The following GAS2 variants were observed in gnomAD, a reference collection of about 807,000 sequenced individuals.
GAS2 encodes the protein growth arrest specific 2, also known as growth arrest-specific protein 2.
GAS2 carries 20 observed loss-of-function variants against 37.5 expected under a neutral mutation model. That is an observed-to-expected ratio of 0.53 (90% CI 0.37 to 0.77). GAS2 has a LOEUF of 0.77. GAS2 is among the 30% of genes least tolerant of loss of function. The pLI is 0.00. For missense variants in GAS2, 336 were observed against 373.4 expected, an observed-to-expected ratio of 0.90 and a Z score of 0.82; for synonymous variants, 144 against 132.2, an observed-to-expected ratio of 1.09 and a Z score of -0.61.
intron 3 of GAS2, among the ~76,000 whole-genome samples, chr11:22,724,023 C>A (rs1852072293): frequency 6.6e-6 from 1 of 151,834 alleles, no homozygotes; most frequent in Non-Finnish European, 1.5e-5. Context: ...AGGGCAATTA[C>A]TATCAATTTA....
intron 7 of GAS2, among the ~76,000 whole-genome samples, chr11:22,809,923 G>T (rs1857066369): frequency 6.6e-6 from 1 of 152,094 alleles, no homozygotes; most frequent in African/African-American, 2.4e-5. Context: ...TATTTCAGGG[G>T]TTCTCATTGA....
At chr11:22,788,534 T>C (rs1855929021) in intron 7 of GAS2, among the ~76,000 whole-genome samples, 1 of 152,166 alleles carries the variant, frequency 6.6e-6, no homozygotes, top group Admixed American at 6.5e-5. Context: ...AATTGTCAAA[T>C]GTCTCATGGG....
rs563158588 is a variant in GAS2, at chr11:22,699,342, A to C, written c.267+13553A>C. Among the ~76,000 whole-genome samples, 119 of 152,168 alleles carry C rather than the reference A, an allele frequency of 7.8e-4. 1 individual carries two copies. Among genetic ancestry groups the C allele is most frequent in the Non-Finnish European group, 1.2e-3 (79 of 68,032 alleles). On this transcript the variant is annotated intron_variant, in intron 3 of 7. Transcript: ENST00000454584. ...CAAACTCTTTACTATGCATTCAGGGAAGAGAAATGCCTTGTGGGGAATCAG... is the reference window on the plus strand; with the variant it reads ...CAAACTCTTTACTATGCATTCAGGGCAGAGAAATGCCTTGTGGGGAATCAG...
At position 22,811,991 on chromosome 11, in the gene GAS2, A is replaced by G. The variant is rs1857198953; in HGVS notation, c.917A>G (p.Tyr306Cys). 2 of 1,613,966 alleles carry G rather than the reference A, an allele frequency of 1.2e-6. No individual in the cohort carries two copies. The highest frequency in any genetic ancestry group is 1.7e-6 in the Non-Finnish European group (2 of 1,179,950). ...PDNYLVVSAS[Y>C]KAKKEIK is the part of the protein sequence containing the mutation. ...AACTACTTGGTGGTCTCTGCCAGTT[A>G]TAAGGCTAAGAAGGAAATTAAGTGA... The change falls in exon 8 of 8, where the codon TAT becomes TGT. Residue 306 changes from tyrosine to cysteine, a missense_variant. By Grantham distance (194) the Tyr-to-Cys change is radical. Transcript: ENST00000454584.
chr11:22,664,101 C>A (rs1291186096), upstream of GAS2, among the ~76,000 whole-genome samples: 1 of 152,054 alleles, frequency 6.6e-6, no homozygotes, highest in Non-Finnish European at 1.5e-5. Context: ...TTAACTGCTC[C>A]TTTGAAGCTG....
intron 7 of GAS2, among the ~76,000 whole-genome samples, chr11:22,799,242 A>G (rs1034805408): frequency 2.0e-5 from 3 of 152,082 alleles, no homozygotes; most frequent in African/African-American, 7.2e-5. Flanking sequence ...TAAGTGGGGA[A>G]TCATTTAATG....
chr11:22,713,735 A>C (rs1164737523), intron 3 of GAS2, among the ~76,000 whole-genome samples: 3 of 152,144 alleles, frequency 2.0e-5, no homozygotes, highest in Admixed American at 6.6e-5. Flanking sequence ...ATCAGCAAAG[A>C]ATCTTGTACA....
chr11:22,749,055 T>C, intron 5 of GAS2, 65 bp from the exon 6 acceptor site: 1 of 1,411,286 alleles, frequency 7.1e-7, no homozygotes, highest in Non-Finnish European at 9.7e-7. Context: ...CATCATCACA[T>C]GTAATATATG....
chr11:22,729,791 A>G (rs1852388813), intron 4 of GAS2, among the ~76,000 whole-genome samples: 1 of 149,654 alleles, frequency 6.7e-6, no homozygotes, highest in Admixed American at 6.7e-5. Context: ...AAATAGCTAA[A>G]TTAAGAAAAT....
intron 3 of GAS2, among the ~76,000 whole-genome samples, chr11:22,707,810 A>T (rs1163589889): frequency 6.6e-6 from 1 of 152,218 alleles, no homozygotes; most frequent in Admixed American, 6.5e-5. Context: ...CTCACATCTC[A>T]TAACCACAAG....
intron 3 of GAS2, among the ~76,000 whole-genome samples, chr11:22,722,230 G>A (rs1177657675): frequency 6.6e-6 from 1 of 151,834 alleles, no homozygotes; most frequent in Non-Finnish European, 1.5e-5. Flanking sequence ...TTCCTGATGG[G>A]AATTGGAAGG....
intron 4 of GAS2, among the ~76,000 whole-genome samples, chr11:22,732,811 T>TCATCATCAC (rs1386583754): frequency 1.3e-5 from 2 of 148,566 alleles, no homozygotes; most frequent in Non-Finnish European, 3.0e-5. Flanking sequence ...ATCATCATCA[T>TCATCATCAC]CACCACCACC....
chr11:22,632,430 AAGGTTTTACCTTGT>A (rs1379797367), intron 1 of GAS2, among the ~76,000 whole-genome samples: 5 of 152,118 alleles, frequency 3.3e-5, no homozygotes, highest in Non-Finnish European at 5.9e-5. Context: ...GTTAGTCTAA[AAGGTTTTACCTTGT>A]AGGTTACCTG....
At chr11:22,646,392 A>T (rs1017576637) in intron 1 of GAS2, among the ~76,000 whole-genome samples, 2 of 152,272 alleles carry the variant, frequency 1.3e-5, no homozygotes, top group Non-Finnish European at 1.5e-5. Flanking sequence ...CTGACTGCCA[A>T]ATTTTCCCTT....
At chr11:22,759,236 CTG>C (rs1240640712) in intron 7 of GAS2, among the ~76,000 whole-genome samples, 1 of 152,150 alleles carries the variant, frequency 6.6e-6, no homozygotes, top group Non-Finnish European at 1.5e-5. Flanking sequence ...TATGTCTTGT[CTG>C]TGGGTTTCTG....
intron 1 of GAS2, among the ~76,000 whole-genome samples, chr11:22,652,955 T>TTCTTTCTTTG (rs1449846033): frequency 3.9e-5 from 6 of 151,930 alleles, no homozygotes; most frequent in Non-Finnish European, 7.4e-5. Context: ...CACAACCTCT[T>TTCTTTCTTTG]TCTTTCTTTG....
chr11:22,703,615 A>C (rs1311625921), intron 3 of GAS2, among the ~76,000 whole-genome samples: 1 of 152,166 alleles, frequency 6.6e-6, no homozygotes, highest in Non-Finnish European at 1.5e-5. Flanking sequence ...TAGGTAATTT[A>C]AAATGTAAGC....
upstream of GAS2, among the ~76,000 whole-genome samples, chr11:22,661,649 G>A (rs922858200): frequency 1.3e-5 from 2 of 152,330 alleles, no homozygotes; most frequent in African/African-American, 4.8e-5. Context: ...GACAGTGAAG[G>A]TAAAAGATCA....
chr11:22,650,720 G>A (rs368675108), intron 1 of GAS2, among the ~76,000 whole-genome samples: 8 of 152,140 alleles, frequency 5.3e-5, no homozygotes, highest in Admixed American at 3.3e-4. Flanking sequence ...AGTCTGTTTT[G>A]TCAGAGACTA....
Sources: gnomAD v4.1 joint callset for allele counts (sites outside exome capture counted in the v4.1 genomes callset) on GRCh38, gnomAD v4.1.1 for gene constraint, MANE v1.5 for transcripts, NCBI Gene and HGNC (gene_info 2026-07-23, HGNC 2026-07-21) for gene names.